The following SGTB variants were observed in gnomAD, a reference collection of about 807,000 sequenced individuals.
SGTB encodes small glutamine-rich tetratricopeptide repeat-containing protein beta.
SGTB carries 19 observed loss-of-function variants against 43.9 expected under a neutral mutation model. That is an observed-to-expected ratio of 0.43 (90% CI 0.30 to 0.63). The LOEUF is 0.63. Ranked by LOEUF, SGTB falls within the 30% of genes least tolerant of loss-of-function variation. SGTB has a pLI of 0.12. For missense variants in SGTB, 304 were observed against 358.9 expected (o/e 0.85, Z 1.24); for synonymous variants, 116 against 117.3 (o/e 0.99, Z 0.07).
At chr5:65,683,392 C>T in intron 6 of SGTB, among the ~76,000 whole-genome samples, 1 of 152,060 alleles carries the variant, frequency 6.6e-6, no homozygotes, top group South Asian at 2.1e-4. Context: ...TTGGGGATTA[C>T]AAATTAATTT....
Position 65,700,682 on chromosome 5 carries a change from CAAAAAA to C in SGTB, c.374+3591_374+3596del, listed in dbSNP as rs376335799. Reference sequence around the variant, plus strand: ...GGCGACAGAGTGAGACTCTGTCTCCCAAAAAAAAAAAAAAAAGAAAGAAAGAAAAGA... The same window carrying C: ...GGCGACAGAGTGAGACTCTGTCTCCCAAAAAAAAAAGAAAGAAAGAAAAGA... On this transcript the variant is annotated intron_variant, in intron 5 of 10. Coordinates refer to ENST00000381007, the MANE Select transcript of SGTB (RefSeq NM_019072.3). Among the ~76,000 whole-genome samples the C allele has an allele frequency of 6.4e-3, 521 of 80,804 alleles. 3 individuals carry two copies. The highest frequency in any genetic ancestry group is 8.4e-3 in the Non-Finnish European group (353 of 41,840). 53.0% of individuals were successfully genotyped at this position (80,804 alleles called of 152,430 possible).
intron 10 of SGTB, among the ~76,000 whole-genome samples, chr5:65,671,220 T>C (rs896582279): frequency 4.6e-5 from 7 of 152,144 alleles, no homozygotes; most frequent in East Asian, 1.9e-4. Context: ...TGGATCTTCA[T>C]TGGGAAAAAA....
rs1280875406 is a variant in SGTB, at chr5:65,680,803, A to T, written c.480-9T>A. On this transcript the variant is annotated splice_polypyrimidine_tract_variant and intron_variant, in intron 6 of 10. Transcript: ENST00000381007. ...AGGCAGTGAGGGCCAGCCTGAAGGGAATAGAATATAAGAATATCAGATATA... is the reference window on the plus strand; with the variant it reads ...AGGCAGTGAGGGCCAGCCTGAAGGGTATAGAATATAAGAATATCAGATATA... The T allele has an allele frequency of 6.2e-7, 1 of 1,610,138 alleles. No individual in the cohort carries two copies. The highest frequency in any genetic ancestry group is 8.5e-7 in the Non-Finnish European group (1 of 1,179,002).
intron 10 of SGTB, 133 bp downstream of exon 10, chr5:65,671,782 T>C: frequency 1.3e-6 from 1 of 769,452 alleles, no homozygotes; most frequent in Non-Finnish European, 2.1e-6. Flanking sequence ...TCAGATTTAG[T>C]AACATTAAGG....
In SGTB at chr5:65,670,231, G is replaced by C. The variant is rs749323549; in HGVS notation, c.*15C>G. 2.5e-6 allele frequency: 4 copies of C among 1,610,462 alleles called. No homozygotes were observed. The highest frequency in any genetic ancestry group is 3.4e-6 in the Non-Finnish European group (4 of 1,176,806). ...CATAAACCATTTGTATCTTGGGCTT[G>C]AGCCCCTGGTTAAATCAGGAATGCT... On this transcript the variant is annotated 3_prime_UTR_variant, in exon 11 of 11. Coordinates refer to ENST00000381007, the MANE Select transcript of SGTB (RefSeq NM_019072.3).
intron 8 of SGTB, among the ~76,000 whole-genome samples, chr5:65,676,490 GACTTTAAC>G (rs893146217): frequency 6.6e-6 from 1 of 152,164 alleles, no homozygotes; most frequent in Non-Finnish European, 1.5e-5. Context: ...AATAGTGGGA[GACTTTAAC>G]ACTCTGCTGA....
intron 3 of SGTB, 125 bp from the exon 4 acceptor site, chr5:65,708,683 C>T: frequency 8.0e-6 from 5 of 624,454 alleles, no homozygotes; most frequent in Non-Finnish European, 1.3e-5. Flanking sequence ...ATGAAAACAA[C>T]TTCCTAAATA....
chr5:65,705,470 AAAAAG>A (rs1757913274), intron 4 of SGTB, among the ~76,000 whole-genome samples: 1 of 152,094 alleles, frequency 6.6e-6, no homozygotes, highest in African/African-American at 2.4e-5. Flanking sequence ...AAAGAAAAAG[AAAAAG>A]AAAATATTAG....
At chr5:65,711,529 G>T (rs1758046350) in intron 3 of SGTB, among the ~76,000 whole-genome samples, 1 of 152,210 alleles carries the variant, frequency 6.6e-6, no homozygotes, top group Non-Finnish European at 1.5e-5. Context: ...GGTTCCCTGA[G>T]GGGGCCACAG....
intron 6 of SGTB, among the ~76,000 whole-genome samples, chr5:65,685,114 C>T (rs1757474083): frequency 6.6e-6 from 1 of 152,064 alleles, no homozygotes; most frequent in Admixed American, 6.5e-5. Flanking sequence ...AACTGTCTGC[C>T]TAACTGTCTG....
At chr5:65,721,684 T>G (rs1330557773) in intron 1 of SGTB, among the ~76,000 whole-genome samples, 1 of 152,112 alleles carries the variant, frequency 6.6e-6, no homozygotes. Context: ...TCATAAGCAC[T>G]AAATAAGGCC....
At chr5:65,697,948 T>TA (rs1757742823) in intron 5 of SGTB, among the ~76,000 whole-genome samples, 1 of 152,122 alleles carries the variant, frequency 6.6e-6, no homozygotes, top group Non-Finnish European at 1.5e-5. Context: ...GCTGAGCAAA[T>TA]AAAGTCTTGC....
chr5:65,700,639 C>T (rs1294699990), intron 5 of SGTB, among the ~76,000 whole-genome samples: 2 of 148,624 alleles, frequency 1.3e-5, no homozygotes, highest in African/African-American at 2.5e-5. Flanking sequence ...CAAGATCGCG[C>T]CACTGCACTC....
chr5:65,695,316 G>T (rs1358497844), intron 5 of SGTB, among the ~76,000 whole-genome samples: 1 of 152,214 alleles, frequency 6.6e-6, no homozygotes, highest in South Asian at 2.1e-4. Flanking sequence ...AAGAGTGGGT[G>T]TAAGGAAGGA....
At chr5:65,704,093 T>C (rs570500423) in intron 5 of SGTB, among the ~76,000 whole-genome samples, 186 bp downstream of exon 5, 8 of 150,382 alleles carry the variant, frequency 5.3e-5, no homozygotes, top group Admixed American at 4.0e-4. Context: ...TAAGACAAAA[T>C]ATGCTAACAG....
intron 6 of SGTB, among the ~76,000 whole-genome samples, chr5:65,683,773 C>T (rs1466385800): frequency 1.3e-5 from 2 of 151,856 alleles, no homozygotes; most frequent in Admixed American, 6.6e-5. Context: ...AGTGAAACCC[C>T]GTCTCTACTA....
intron 4 of SGTB, among the ~76,000 whole-genome samples, chr5:65,706,986 C>A (rs999118489): frequency 6.6e-6 from 1 of 151,438 alleles, no homozygotes; most frequent in Admixed American, 6.6e-5. Flanking sequence ...ATAGGCCAGG[C>A]GTGGTGGCTC....
intron 5 of SGTB, among the ~76,000 whole-genome samples, chr5:65,691,710 G>A (rs1757613070): frequency 1.3e-5 from 2 of 151,112 alleles, no homozygotes; most frequent in South Asian, 4.2e-4. Context: ...GGAGGCCGAG[G>A]CAGGCAGATC....
At chr5:65,690,372 G>A (rs913348304) in intron 5 of SGTB, among the ~76,000 whole-genome samples, 6 of 152,126 alleles carry the variant, frequency 3.9e-5, no homozygotes, top group East Asian at 1.9e-4. Flanking sequence ...CCAGGAGGTC[G>A]AGGCTGCAGT....
Sources: allele counts gnomAD v4.1 joint callset (sites outside exome capture counted in the v4.1 genomes callset), GRCh38; gene constraint gnomAD v4.1.1; transcripts MANE v1.5; gene names NCBI Gene and HGNC (gene_info 2026-07-23, HGNC 2026-07-21).